BRIP1: variants seen among roughly 807,000 people sequenced by gnomAD.
BRIP1 encodes the protein BRCA1 interacting DNA helicase 1.
In BRIP1, 88 loss-of-function variants were observed where a neutral mutation model predicts 119.7. That is an observed-to-expected ratio of 0.74 (90% confidence interval 0.62 to 0.88). The LOEUF is 0.88. BRIP1 is among the 40% of genes least tolerant of loss of function. The probability of loss-of-function intolerance (pLI) is 0.00; values close to 1 mark genes in which losing one functional copy is unlikely to be tolerated. For synonymous variants in BRIP1, 443 were observed against 496.5 expected (o/e 0.89, Z 1.43); for missense variants, 1,259 against 1,455.4 (o/e 0.87, Z 2.20).
At position 61,759,237 on chromosome 17, in the gene BRIP1, A is replaced by G. The variant is rs180921453; in HGVS notation, c.2098-14646T>C. On this transcript the variant is annotated intron_variant, in intron 14 of 19. Coordinates refer to ENST00000259008, the MANE Select transcript of BRIP1 (RefSeq NM_032043.3). This position sits in a 1 kb window ranked among gnomAD's most constrained non-coding sequence, Gnocchi z 4.9. ...TGAAAGTGAGCAGCTGAAAAAAGCT[A>G]TTCAACAAAATGGAAACCAAAAGAG... 2.0e-5 allele frequency among the ~76,000 whole-genome samples: 3 copies of G among 152,258 alleles called. No homozygotes were observed. In the East Asian group the frequency reaches 5.8e-4, roughly 29 times the overall value.
At position 61,742,977 on chromosome 17, in the gene BRIP1, C is replaced by T; in HGVS notation, c.2379+36G>A. 6.2e-7 allele frequency: 1 copy of T among 1,610,516 alleles called. No individual in the cohort carries two copies. The highest frequency in any genetic ancestry group is 8.5e-7 in the Non-Finnish European group (1 of 1,177,128). ...TTAACTTTATACAAAACCAATGACTCCTGTAATAATAAAACTTAAGGTTTT... is the reference window on the plus strand; with the variant it reads ...TTAACTTTATACAAAACCAATGACTTCTGTAATAATAAAACTTAAGGTTTT... On this transcript the variant is annotated intron_variant, in intron 16 of 19. Coordinates refer to ENST00000259008, the MANE Select transcript of BRIP1 (RefSeq NM_032043.3). This position sits in a 1 kb window ranked among gnomAD's most constrained non-coding sequence, Gnocchi z 4.7.
chr17:61,684,490 C>T lies in BRIP1; in HGVS notation c.2906-350G>A, dbSNP rs533133210. ...ACATTTGCCTTGAAAATCCACTAACCAGTGACTGAGAAAAACTTACCTAGA... is the reference window on the plus strand; with the variant it reads ...ACATTTGCCTTGAAAATCCACTAACTAGTGACTGAGAAAAACTTACCTAGA... On this transcript the variant is annotated intron_variant, in intron 19 of 19. Transcript: ENST00000259008. The surrounding 1 kb of genome is among the most constrained non-coding windows in gnomAD (Gnocchi z 4.5). 1.2e-4 allele frequency among the ~76,000 whole-genome samples: 19 copies of T among 152,190 alleles called. No homozygotes were observed. In the South Asian group the frequency reaches 2.7e-3, roughly 22 times the overall value.
intron 6 of BRIP1, among the ~76,000 whole-genome samples, chr17:61,835,831 T>G (rs1158182622): frequency 6.6e-6 from 1 of 152,162 alleles, no homozygotes; most frequent in Non-Finnish European, 1.5e-5. Flanking sequence ...ATCAACTATT[T>G]GGGAAAATAT....
At position 61,715,849 on chromosome 17, in the gene BRIP1, T is replaced by C. The variant is rs180910289; in HGVS notation, c.2492+102A>G. ...ACCAGTTCCTATGGTTCCAGTTAAA[T>C]AAAATTTTACCAAGTTTATTATAAA... On this transcript the variant is annotated intron_variant, in intron 17 of 19. Coordinates refer to ENST00000259008, the MANE Select transcript of BRIP1 (RefSeq NM_032043.3). 18 of 735,458 alleles carry C rather than the reference T, an allele frequency of 2.4e-5. No individual in the cohort carries two copies. The African/African-American group carries it at 3.1e-4, about 13-fold the overall frequency. 45.6% of individuals were successfully genotyped at this position (735,458 alleles called of 1,614,324 possible).
intron 17 of BRIP1, among the ~76,000 whole-genome samples, chr17:61,696,417 T>C (rs2061521689): frequency 6.6e-6 from 1 of 152,132 alleles, no homozygotes; most frequent in African/African-American, 2.4e-5. Context: ...ACAATCTTCT[T>C]TTCTCGTAAT....
rs1180800232 is a variant in BRIP1, at chr17:61,823,332, C to T, written c.628-14575G>A. ...CTTATCTTGCACCATAAACTACTAACAAATTGGACAAGATATATGAAACAG... is the reference window on the plus strand; with the variant it reads ...CTTATCTTGCACCATAAACTACTAATAAATTGGACAAGATATATGAAACAG... On this transcript the variant is annotated intron_variant, in intron 6 of 19. Transcript: ENST00000259008. This position sits in a 1 kb window ranked among gnomAD's most constrained non-coding sequence, Gnocchi z 4.8. Among the ~76,000 whole-genome samples, 3 of 152,236 alleles carry T rather than the reference C, an allele frequency of 2.0e-5. No individual in the cohort carries two copies. The highest frequency in any genetic ancestry group is 1.9e-4 in the East Asian group (1 of 5,186).
At chr17:61,785,700 T>C (rs1352281250) in intron 10 of BRIP1, among the ~76,000 whole-genome samples, 1 of 152,156 alleles carries the variant, frequency 6.6e-6, no homozygotes, top group Non-Finnish European at 1.5e-5. Flanking sequence ...AATTATTCTT[T>C]TTGAAAAATG....
chr17:61,686,267 T>G lies in BRIP1; in HGVS notation c.2576-102A>C. 1 of 1,087,462 alleles carries G rather than the reference T, an allele frequency of 9.2e-7. No homozygotes were observed. The highest frequency in any genetic ancestry group is 1.4e-6 in the Non-Finnish European group (1 of 719,266). 67.4% of individuals were successfully genotyped at this position (1,087,462 alleles called of 1,614,324 possible). A position where few individuals can be genotyped will look rare whatever the true frequency, so the allele number is the denominator to read the frequency against. Reference sequence around the variant, plus strand: ...CTTTTTCTAGTGAAGTAACCTAATTTGTATTTTGAATATACAGAATGGTTC... The same window carrying G: ...CTTTTTCTAGTGAAGTAACCTAATTGGTATTTTGAATATACAGAATGGTTC... On this transcript the variant is annotated intron_variant, in intron 18 of 19. Coordinates refer to ENST00000259008, the MANE Select transcript of BRIP1 (RefSeq NM_032043.3). The surrounding 1 kb of genome is among the most constrained non-coding windows in gnomAD (Gnocchi z 5.4).
rs2061451718 is a variant in BRIP1, at chr17:61,691,875, G to T, written c.2575+1555C>A. ...TAAAATACATTACACAGCTGTAGTAGTCAAAAAAGTATGGTACTGGCATAA... is the reference window on the plus strand; with the variant it reads ...TAAAATACATTACACAGCTGTAGTATTCAAAAAAGTATGGTACTGGCATAA... On this transcript the variant is annotated intron_variant, in intron 18 of 19. Transcript: ENST00000259008. This position sits in a 1 kb window ranked among gnomAD's most constrained non-coding sequence, Gnocchi z 5.0. 6.6e-6 allele frequency among the ~76,000 whole-genome samples: 1 copy of T among 152,206 alleles called. No homozygotes were observed. The highest frequency in any genetic ancestry group is 2.1e-4 in the South Asian group (1 of 4,830).
Position 61,774,349 on chromosome 17 carries a change from A to G in BRIP1, c.2097+2052T>C, listed in dbSNP as rs1007723039. Among the ~76,000 whole-genome samples, 1 of 152,002 alleles carries G rather than the reference A, an allele frequency of 6.6e-6. No individual in the cohort carries two copies. The highest frequency in any genetic ancestry group is 1.5e-5 in the Non-Finnish European group (1 of 68,006). On this transcript the variant is annotated intron_variant, in intron 14 of 19. Coordinates refer to ENST00000259008, the MANE Select transcript of BRIP1 (RefSeq NM_032043.3). The surrounding 1 kb of genome is among the most constrained non-coding windows in gnomAD (Gnocchi z 5.8). ...CTATCACAAAGACAGAAAACCAAAC[A>G]CCGCATGTTCTCACTCATAGGTGGG...
chr17:61,860,903 T>C lies in BRIP1; in HGVS notation c.93+544A>G, dbSNP rs1303634933. Among the ~76,000 whole-genome samples the C allele has an allele frequency of 6.6e-6, 1 of 152,148 alleles. No homozygotes were observed. The highest frequency in any genetic ancestry group is 1.5e-5 in the Non-Finnish European group (1 of 68,018). Reference sequence around the variant, plus strand: ...GGTACCGTATCACATCAATGCACAGTTTCAAATATGTAAAATAATATTCTA... The same window carrying C: ...GGTACCGTATCACATCAATGCACAGCTTCAAATATGTAAAATAATATTCTA... On this transcript the variant is annotated intron_variant, in intron 2 of 19. Coordinates refer to ENST00000259008, the MANE Select transcript of BRIP1 (RefSeq NM_032043.3). This position sits in a 1 kb window ranked among gnomAD's most constrained non-coding sequence, Gnocchi z 4.1.
chr17:61,856,540 T>C lies in BRIP1; in HGVS notation c.379+518A>G, dbSNP rs866055402. On this transcript the variant is annotated intron_variant, in intron 4 of 19. Transcript: ENST00000259008. The surrounding 1 kb of genome is among the most constrained non-coding windows in gnomAD (Gnocchi z 5.1). Reference sequence around the variant, plus strand: ...TCCTTTCTATACAGCCAAAAGCAGGTGAAATATTTTTTAAATATATTATTA... The same window carrying C: ...TCCTTTCTATACAGCCAAAAGCAGGCGAAATATTTTTTAAATATATTATTA... Among the ~76,000 whole-genome samples the C allele has an allele frequency of 6.6e-6, 1 of 152,132 alleles. No homozygotes were observed. The highest frequency in any genetic ancestry group is 2.1e-4 in the South Asian group (1 of 4,830).
At chr17:61,742,000 C>A (rs537871632) in intron 16 of BRIP1, among the ~76,000 whole-genome samples, 2 of 152,356 alleles carry the variant, frequency 1.3e-5, no homozygotes, top group South Asian at 2.1e-4. Context: ...GATTCTTCTA[C>A]ACTGAAAATC....
At chr17:61,777,341 G>C (rs1196789832) in intron 13 of BRIP1, among the ~76,000 whole-genome samples, 8 of 152,156 alleles carry the variant, frequency 5.3e-5, no homozygotes, top group Non-Finnish European at 2.9e-5. Flanking sequence ...ATGTGTGGGA[G>C]GTTTTTTCCA....
chr17:61,744,283 A>G lies in BRIP1; in HGVS notation c.2257+149T>C, dbSNP rs1603304397. The G allele has an allele frequency of 1.1e-6, 1 of 889,032 alleles. No homozygotes were observed. The highest frequency in any genetic ancestry group is 2.7e-5 in the East Asian group (1 of 36,948). The allele number at this position is 889,032 out of a possible 1,614,324, so 55.1% of individuals were successfully genotyped here. A position where few individuals can be genotyped will look rare whatever the true frequency, so the allele number is the denominator to read the frequency against. On this transcript the variant is annotated intron_variant, in intron 15 of 19. Coordinates refer to ENST00000259008, the MANE Select transcript of BRIP1 (RefSeq NM_032043.3). This position sits in a 1 kb window ranked among gnomAD's most constrained non-coding sequence, Gnocchi z 5.0. The stretch of plus-strand genomic sequence containing the variant: ...TAGGAGAACAAGTACAATTAAAAGA[A>G]TTTCTTTACCCAATTTATTTTCTTT...
At chr17:61,696,543 T>C (rs1290420694) in intron 17 of BRIP1, among the ~76,000 whole-genome samples, 1 of 152,068 alleles carries the variant, frequency 6.6e-6, no homozygotes, top group African/African-American at 2.4e-5. Context: ...CTTCTGTAAA[T>C]TTTTGGTAGA....
In BRIP1 at chr17:61,699,576, G is replaced by A. The variant is rs1173319978; in HGVS notation, c.2493-6064C>T. Among the ~76,000 whole-genome samples the A allele has an allele frequency of 6.6e-6, 1 of 152,098 alleles. No individual in the cohort carries two copies. The highest frequency in any genetic ancestry group is 1.5e-5 in the Non-Finnish European group (1 of 68,030). On this transcript the variant is annotated intron_variant, in intron 17 of 19. Coordinates refer to ENST00000259008, the MANE Select transcript of BRIP1 (RefSeq NM_032043.3). The surrounding 1 kb of genome is among the most constrained non-coding windows in gnomAD (Gnocchi z 4.8). Reference sequence around the variant, plus strand: ...CTGTTCCCTCATCTGTCACCTTTGGGTTGTTATTGTCATATAAATTATATC... The same window carrying A: ...CTGTTCCCTCATCTGTCACCTTTGGATTGTTATTGTCATATAAATTATATC...
Position 61,808,499 on chromosome 17 carries a change from C to T in BRIP1, c.886G>A (p.Glu296Lys), listed in dbSNP as rs876660125. ...CCATCTAGCAATTCCATGCACTTCT[C>T]ATTTCTGTTGAAGTTACCGACTACC... is the stretch of plus-strand genomic sequence containing the variant. ...PEVVGNFNRN[E>K]KCMELLDGKN... Residue 296 changes from glutamate to lysine, a missense_variant, in exon 7 of 20, where the codon GAG becomes AAG. Coordinates refer to ENST00000259008, the MANE Select transcript of BRIP1 (RefSeq NM_032043.3). This position sits in a 1 kb window ranked among gnomAD's most constrained non-coding sequence, Gnocchi z 4.1. 3 of 1,613,782 alleles carry T rather than the reference C, an allele frequency of 1.9e-6. No homozygotes were observed. Among genetic ancestry groups the T allele is most frequent in the Non-Finnish European group, 2.5e-6 (3 of 1,179,716 alleles).
rs1368128192 is a variant in BRIP1, at chr17:61,752,770, A to G, written c.2098-8179T>C. Among the ~76,000 whole-genome samples, 1 of 152,206 alleles carries G rather than the reference A, an allele frequency of 6.6e-6. No homozygotes were observed. The highest frequency in any genetic ancestry group is 1.5e-5 in the Non-Finnish European group (1 of 68,042). The stretch of plus-strand genomic sequence containing the variant: ...TATGACTTTATCTTTTTGAAAATTA[A>G]CTGTAGAGAAAGAAAAGTGAACAGA... On this transcript the variant is annotated intron_variant, in intron 14 of 19. Coordinates refer to ENST00000259008, the MANE Select transcript of BRIP1 (RefSeq NM_032043.3). The surrounding 1 kb of genome is among the most constrained non-coding windows in gnomAD (Gnocchi z 6.2).
Sources: gnomAD v4.1 joint callset for allele counts (sites outside exome capture counted in the v4.1 genomes callset) on GRCh38, gnomAD v4.1.1 for gene constraint, Gnocchi (gnomAD v3.1) non-coding constraint, MANE v1.5 for transcripts, NCBI Gene and HGNC (gene_info 2026-07-23, HGNC 2026-07-21) for gene names.